Variants in PCDHA8 observed in about 807,000 individuals in gnomAD.
PCDHA8 encodes protocadherin alpha 8.
In PCDHA8, 53 loss-of-function variants were observed where a neutral mutation model predicts 61.8. That is an observed-to-expected ratio of 0.86 (90% confidence interval 0.69 to 1.08). The LOEUF (loss-of-function observed/expected upper bound fraction) is 1.08. PCDHA8 is among the 50% of genes least tolerant of loss of function. The probability of loss-of-function intolerance (pLI) is 0.00; values close to 1 mark genes in which losing one functional copy is unlikely to be tolerated. For missense variants in PCDHA8, 1,293 were observed against 1,245.0 expected, an observed-to-expected ratio of 1.04 and a Z score of -0.58; for synonymous variants, 618 against 556.6, an observed-to-expected ratio of 1.11 and a Z score of -1.55.
At chr5:140,928,321 A>G (rs1296238254) in intron 1 of PCDHA8, 1 of 1,614,162 alleles carries the variant, frequency 6.2e-7, no homozygotes, top group Non-Finnish European at 8.5e-7. Context: ...CCTGGGGAAG[A>G]ATGGCCTTGT....
chr5:140,862,649 C>T, intron 1 of PCDHA8: 1 of 543,104 alleles, frequency 1.8e-6, no homozygotes, highest in East Asian at 5.0e-5. Context: ...ACAGTGTCCG[C>T]GCGGGACCGG....
intron 1 of PCDHA8, chr5:140,869,033 T>C (rs1161601594): frequency 6.5e-7 from 1 of 1,527,194 alleles, no homozygotes; most frequent in East Asian, 2.3e-5. Flanking sequence ...AACGAGATTT[T>C]TAACCTGAAA....
chr5:140,886,730 G>A (rs2061105749), intron 1 of PCDHA8, among the ~76,000 whole-genome samples: 1 of 150,962 alleles, frequency 6.6e-6, no homozygotes, highest in Non-Finnish European at 1.5e-5. Flanking sequence ...GGAGGCTGAA[G>A]CAAGAGAATT....
At position 140,910,974 on chromosome 5, in the gene PCDHA8, T is replaced by G. The variant is rs114099897; in HGVS notation, c.2394+67259T>G. Among the ~76,000 whole-genome samples the G allele has an allele frequency of 8.0e-3, 1,211 of 152,160 alleles. 6 individuals carry two copies. The highest frequency in any genetic ancestry group is 0.019 in the African/African-American group (781 of 41,520). On this transcript the variant is annotated intron_variant, in intron 1 of 3. Coordinates refer to ENST00000531613, the MANE Select transcript of PCDHA8 (RefSeq NM_018911.3). ...CGAGTGTAGCACACCTCCTCATGGG[T>G]TATACTCTGAACCTCACCCCTAGGG...
At chr5:140,981,584 A>G (rs556917015) in intron 2 of PCDHA8, among the ~76,000 whole-genome samples, 1 of 152,258 alleles carries the variant, frequency 6.6e-6, no homozygotes, top group Non-Finnish European at 1.5e-5. Context: ...AAAAATAAAT[A>G]AAATAAAACA....
At position 140,852,924 on chromosome 5, in the gene PCDHA8, G is replaced by C. The variant is rs1007993116; in HGVS notation, c.2394+9209G>C. On this transcript the variant is annotated intron_variant, in intron 1 of 3. Coordinates refer to ENST00000531613, the MANE Select transcript of PCDHA8 (RefSeq NM_018911.3). ...GTCAGAGTCTCGCTCTGTTGCCCAG[G>C]CTGGAGTGCAGTGGTGCCATCTTGG... The C allele has an allele frequency of 2.7e-5, 19 of 707,974 alleles. 2 individuals are homozygous for C. Among genetic ancestry groups the C allele is most frequent in the Admixed American group, 2.6e-4 (4 of 15,396 alleles). The allele number at this position is 707,974 out of a possible 1,614,324, so 43.9% of individuals were successfully genotyped here.
In PCDHA8 at chr5:140,853,662, T is replaced by C. The variant is rs1319921056; in HGVS notation, c.2394+9947T>C. The C allele has an allele frequency of 3.4e-5, 34 of 988,522 alleles. 1 individual carries two copies. In the African/African-American group the frequency reaches 3.9e-4, roughly 11 times the overall value. 61.2% of individuals were successfully genotyped at this position (988,522 alleles called of 1,614,324 possible). ...CTAAATTGAGCCTGTTCCAGACAAA[T>C]TGGGGCCTATGGTCAACCTATCCTT... On this transcript the variant is annotated intron_variant, in intron 1 of 3. Coordinates refer to ENST00000531613, the MANE Select transcript of PCDHA8 (RefSeq NM_018911.3).
At chr5:140,990,962 T>C (rs2097423975) in intron 3 of PCDHA8, among the ~76,000 whole-genome samples, 2 of 152,180 alleles carry the variant, frequency 1.3e-5, no homozygotes, top group Non-Finnish European at 2.9e-5. Context: ...AATAGTCTCT[T>C]AGAACAAGAG....
intron 1 of PCDHA8, chr5:140,966,679 G>C (rs1554228549): frequency 8.3e-6 from 11 of 1,317,564 alleles, no homozygotes; most frequent in East Asian, 3.0e-5. Context: ...AGGGTGGCAC[G>C]AGCGGAGGCG....
At chr5:140,896,710 T>C (rs1231459059) in intron 1 of PCDHA8, among the ~76,000 whole-genome samples, 2 of 152,160 alleles carry the variant, frequency 1.3e-5, no homozygotes, top group Non-Finnish European at 2.9e-5. Flanking sequence ...TGTTTGTTTT[T>C]TGCTTGTTAA....
rs1554214040 is a variant in PCDHA8, at chr5:140,941,214, C to CCTTCCTTTCTTTCTTTCTTTCTTTCTTT, written c.2395-37732_2395-37731insCCTTTCTTTCTTTCTTTCTTTCTTTCTT. Reference sequence around the variant, plus strand: ...TTTTTTCTTTCTTCCTTTCTTTCTTCCTTTCTTTCTTTCTTTCTTTCTTTC... The same window carrying CCTTCCTTTCTTTCTTTCTTTCTTTCTTT: ...TTTTTTCTTTCTTCCTTTCTTTCTTCCTTCCTTTCTTTCTTTCTTTCTTTCTTTCTTTCTTTCTTTCTTTCTTTCTTTC... On this transcript the variant is annotated intron_variant, in intron 1 of 3. Transcript: ENST00000531613. Among the ~76,000 whole-genome samples, 25 of 122,492 alleles carry CCTTCCTTTCTTTCTTTCTTTCTTTCTTT rather than the reference C, an allele frequency of 2.0e-4. 1 individual carries two copies. Among genetic ancestry groups the CCTTCCTTTCTTTCTTTCTTTCTTTCTTT allele is most frequent in the East Asian group, 4.6e-4 (2 of 4,322 alleles). The allele number at this position is 122,492 out of a possible 152,430, so 80.4% of individuals were successfully genotyped here.
chr5:140,900,354 C>T (rs376691648), intron 1 of PCDHA8, among the ~76,000 whole-genome samples: 68 of 151,986 alleles, frequency 4.5e-4, no homozygotes, highest in African/African-American at 1.2e-3. Context: ...CTTGGCTCAC[C>T]GCAACCTCTG....
At chr5:140,856,985 A>G (rs1463839145) in intron 1 of PCDHA8, 1 of 1,595,232 alleles carries the variant, frequency 6.3e-7, no homozygotes, top group Non-Finnish European at 8.6e-7. Flanking sequence ...TGAGGACAGT[A>G]ACACTTATGA....
chr5:140,937,790 T>G (rs2091754196), intron 1 of PCDHA8, among the ~76,000 whole-genome samples: 1 of 151,512 alleles, frequency 6.6e-6, no homozygotes, highest in Non-Finnish European at 1.5e-5. Flanking sequence ...CGGGCGTATG[T>G]AGTCCCAGCT....
At chr5:140,927,679 G>A (rs782403424) in intron 1 of PCDHA8, 11 of 1,614,188 alleles carry the variant, frequency 6.8e-6, no homozygotes, top group Non-Finnish European at 5.1e-6. Flanking sequence ...TCCAGATGAA[G>A]GGTCCAATGG....
At chr5:140,875,941 G>A in intron 1 of PCDHA8, 3 of 1,614,160 alleles carry the variant, frequency 1.9e-6, no homozygotes, top group East Asian at 4.5e-5. Context: ...TCTAGAGGGC[G>A]CTTCTGATGC....
At chr5:140,855,140 G>C (rs2043352790) in intron 1 of PCDHA8, among the ~76,000 whole-genome samples, 1 of 149,686 alleles carries the variant, frequency 6.7e-6, no homozygotes. Context: ...TTTGCCTGAT[G>C]AGCCAAATTT....
intron 1 of PCDHA8, among the ~76,000 whole-genome samples, chr5:140,887,879 A>G (rs956379948): frequency 1.3e-5 from 2 of 152,154 alleles, no homozygotes; most frequent in South Asian, 4.1e-4. Context: ...TTCCTTTTGT[A>G]GTATCATATC....
chr5:140,850,738 G>A lies in PCDHA8; in HGVS notation c.2394+7023G>A. ...GTGTGTTCTAGCGCGGTGGGGAGTT[G>A]GTCGTACTCGCAGCAGAGGAGGCAG... On this transcript the variant is annotated intron_variant, in intron 1 of 3. Transcript: ENST00000531613. 8 of 1,597,962 alleles carry A rather than the reference G, an allele frequency of 5.0e-6. 2 individuals carry two copies. The highest frequency in any genetic ancestry group is 6.9e-6 in the Non-Finnish European group (8 of 1,167,602).
Sources: gnomAD v4.1 joint callset for allele counts (sites outside exome capture counted in the v4.1 genomes callset) on GRCh38, gnomAD v4.1.1 for gene constraint, MANE v1.5 for transcripts, NCBI Gene and HGNC (gene_info 2026-07-23, HGNC 2026-07-21) for gene names.